The following SLC2A13 variants were observed in gnomAD, a reference collection of about 807,000 sequenced individuals.
SLC2A13 encodes solute carrier family 2 member 13.
Under a neutral mutation model 64.4 loss-of-function variants are expected in SLC2A13, and 32 were observed. The ratio of observed to expected loss-of-function variants is 0.50; its 90% CI spans 0.37 to 0.67. The LOEUF is 0.67. SLC2A13 is among the 30% of genes least tolerant of loss of function. The probability of loss-of-function intolerance (pLI) is 0.00; values close to 1 mark genes in which losing one functional copy is unlikely to be tolerated. For synonymous variants in SLC2A13, 338 were observed against 327.1 expected (o/e 1.03, Z -0.36); for missense variants, 743 against 829.2 (o/e 0.90, Z 1.28).
At chr12:39,997,870 G>A (rs1037595811) in intron 3 of SLC2A13, among the ~76,000 whole-genome samples, 6 of 152,066 alleles carry the variant, frequency 3.9e-5, no homozygotes, top group Admixed American at 3.9e-4. Context: ...TTAAAAAATA[G>A]TAGATGTTGA....
intron 4 of SLC2A13, among the ~76,000 whole-genome samples, chr12:39,873,589 TAAG>T: frequency 6.6e-6 from 1 of 152,300 alleles, no homozygotes; most frequent in African/African-American, 2.4e-5. Context: ...CACAATAATT[TAAG>T]AATAAGAATA....
At position 40,105,992 on chromosome 12, in the gene SLC2A13, G is replaced by A. The variant is rs1271409040; in HGVS notation, c.-184C>T. ...CGCTCCGGGGAGAAAGTTGCTGCCC[G>A]CCGCGCTCCGACGCTGCGGAGTTGG... On this transcript the variant is annotated 5_prime_UTR_variant, in exon 1 of 10. Transcript: ENST00000280871. This position sits in a 1 kb window ranked among gnomAD's most constrained non-coding sequence, Gnocchi z 4.2. 8 of 640,772 alleles carry A rather than the reference G, an allele frequency of 1.2e-5. No homozygotes were observed. Among genetic ancestry groups the A allele is most frequent in the Non-Finnish European group, 1.8e-5 (8 of 436,224 alleles). The allele number at this position is 640,772 out of a possible 1,614,324, so 39.7% of individuals were successfully genotyped here.
chr12:39,853,748 A>G (rs185889170), intron 6 of SLC2A13, among the ~76,000 whole-genome samples: 82 of 152,268 alleles, frequency 5.4e-4, no homozygotes, highest in Non-Finnish European at 5.7e-4. Context: ...AAGTAAATTT[A>G]AAGAAAATAA....
In SLC2A13 at chr12:39,912,715, C is replaced by G. The variant is rs1171550122; in HGVS notation, c.1034+38542G>C. Among the ~76,000 whole-genome samples the G allele has an allele frequency of 2.6e-5, 4 of 152,170 alleles. No individual in the cohort carries two copies. The East Asian group carries it at 7.8e-4, about 30-fold the overall frequency. On this transcript the variant is annotated intron_variant, in intron 4 of 9. Coordinates refer to ENST00000280871, the MANE Select transcript of SLC2A13 (RefSeq NM_052885.4). Reference sequence around the variant, plus strand: ...AAACTACATGGCAATATCCTGGCAGCTCTGGAGCCCTGCCATAGTGTGGGG... The same window carrying G: ...AAACTACATGGCAATATCCTGGCAGGTCTGGAGCCCTGCCATAGTGTGGGG...
At chr12:40,010,975 G>T (rs1171509583) in intron 3 of SLC2A13, among the ~76,000 whole-genome samples, 1 of 152,154 alleles carries the variant, frequency 6.6e-6, no homozygotes, top group African/African-American at 2.4e-5. Flanking sequence ...CCTAAGAAGA[G>T]CATCTGTGTA....
At chr12:39,956,040 C>G (rs938575880) in intron 3 of SLC2A13, among the ~76,000 whole-genome samples, 61 of 152,140 alleles carry the variant, frequency 4.0e-4, no homozygotes, top group African/African-American at 1.4e-3. Flanking sequence ...TGACCAATAT[C>G]AGGAGTAAAT....
intron 1 of SLC2A13, among the ~76,000 whole-genome samples, chr12:40,058,852 T>A (rs1948374460): frequency 6.6e-6 from 1 of 152,186 alleles, no homozygotes; most frequent in Non-Finnish European, 1.5e-5. Context: ...TGACAAACAC[T>A]TCATGAACGA....
intron 3 of SLC2A13, among the ~76,000 whole-genome samples, chr12:40,008,103 T>TA (rs1491146603): frequency 2.0e-5 from 3 of 152,176 alleles, no homozygotes; most frequent in African/African-American, 7.2e-5. Flanking sequence ...GGATTTTTTT[T>TA]AAAAAACCTA....
At chr12:40,032,222 G>A (rs932284383) in intron 2 of SLC2A13, among the ~76,000 whole-genome samples, 2 of 152,008 alleles carry the variant, frequency 1.3e-5, no homozygotes, top group South Asian at 2.1e-4. Context: ...TAAAACCCAG[G>A]GTAAACATGA....
At chr12:39,764,649 C>A (rs1461915378) in intron 8 of SLC2A13, 37 bp from the exon 9 acceptor site, 2 of 1,581,374 alleles carry the variant, frequency 1.3e-6, no homozygotes, top group Non-Finnish European at 1.7e-6. Context: ...AGTAAAATAG[C>A]ATGTAAGAAA....
chr12:40,095,144 C>G (rs943269872), intron 1 of SLC2A13, among the ~76,000 whole-genome samples: 1 of 152,212 alleles, frequency 6.6e-6, no homozygotes, highest in Admixed American at 6.5e-5. Flanking sequence ...GGAAAAAATA[C>G]ACCCACACCA....
intron 1 of SLC2A13, among the ~76,000 whole-genome samples, chr12:40,073,187 T>C (rs928888497): frequency 9.3e-5 from 14 of 150,902 alleles, no homozygotes; most frequent in African/African-American, 3.4e-4. Context: ...ATTTCTGTCA[T>C]GCATTTCACA....
intron 7 of SLC2A13, among the ~76,000 whole-genome samples, chr12:39,770,043 T>C (rs898551022): frequency 3.9e-5 from 6 of 152,116 alleles, no homozygotes; most frequent in Non-Finnish European, 8.8e-5. Flanking sequence ...TCTTTGCTTT[T>C]ATATCTGTAT....
At chr12:39,926,472 T>G (rs905228810) in intron 4 of SLC2A13, among the ~76,000 whole-genome samples, 3 of 152,178 alleles carry the variant, frequency 2.0e-5, no homozygotes, top group Non-Finnish European at 4.4e-5. Flanking sequence ...CAATTGTAAA[T>G]AAATGAGATA....
chr12:39,780,793 A>C (rs1160732431), intron 7 of SLC2A13, among the ~76,000 whole-genome samples: 3 of 152,200 alleles, frequency 2.0e-5, no homozygotes, highest in African/African-American at 7.2e-5. Flanking sequence ...ACATGGAGCT[A>C]CATAATGATT....
chr12:40,014,378 G>C lies in SLC2A13; in HGVS notation c.925+13923C>G, dbSNP rs181127550. ...AGGTTTTCCAACTCATAGCAGATTG[G>C]TACACTGAGACCCCAAATTGAGAGA... On this transcript the variant is annotated intron_variant, in intron 3 of 9. Transcript: ENST00000280871. Among the ~76,000 whole-genome samples, 299 of 151,598 alleles carry C rather than the reference G, an allele frequency of 2.0e-3. 1 individual carries two copies. Among genetic ancestry groups the C allele is most frequent in the African/African-American group, 7.0e-3 (292 of 41,494 alleles).
intron 3 of SLC2A13, among the ~76,000 whole-genome samples, chr12:40,016,669 T>G (rs1947627219): frequency 6.6e-6 from 1 of 152,190 alleles, no homozygotes; most frequent in Admixed American, 6.5e-5. Context: ...AATTATAATC[T>G]ATTGTCTAGA....
intron 2 of SLC2A13, among the ~76,000 whole-genome samples, chr12:40,035,507 C>G (rs777871734): frequency 1.3e-5 from 2 of 152,070 alleles, no homozygotes; most frequent in Non-Finnish European, 2.9e-5. Context: ...AGACATGCAC[C>G]CTGATGACTG....
intron 3 of SLC2A13, among the ~76,000 whole-genome samples, chr12:39,987,205 A>C (rs569165796): frequency 2.0e-5 from 3 of 152,204 alleles, no homozygotes; most frequent in African/African-American, 7.2e-5. Context: ...TAAAATGTCA[A>C]ACAAGATGTG....
Sources: allele counts gnomAD v4.1 joint callset (sites outside exome capture counted in the v4.1 genomes callset), GRCh38; gene constraint gnomAD v4.1.1; non-coding constraint Gnocchi (gnomAD v3.1); transcripts MANE v1.5; gene names NCBI Gene and HGNC (gene_info 2026-07-23, HGNC 2026-07-21).